TRMT9B: variants seen among roughly 807,000 people sequenced by gnomAD.
The protein encoded by TRMT9B is probable tRNA methyltransferase 9B.
In TRMT9B, 16 loss-of-function variants were observed where a neutral mutation model predicts 11.5. The ratio of observed to expected loss-of-function variants is 1.39; its 90% confidence interval spans 0.94 to 2.11. The LOEUF is 2.11. TRMT9B is among the 30% of genes most tolerant of loss of function. The pLI, the probability that TRMT9B is intolerant of heterozygous loss-of-function variation, is 0.00. For missense variants in TRMT9B, 941 were observed against 553.8 expected, an observed-to-expected ratio of 1.70 and a Z score of -7.02; for synonymous variants, 274 against 192.4, an observed-to-expected ratio of 1.42 and a Z score of -3.51.
Position 13,012,691 on chromosome 8 carries a change from G to A in TRMT9B, c.162G>A (p.Gly54=). 7 of 1,612,808 alleles carry A rather than the reference G, an allele frequency of 4.3e-6. No homozygotes were observed. Among genetic ancestry groups the A allele is most frequent in the South Asian group, 1.1e-5 (1 of 90,920 alleles). The change falls in exon 4 of 5, where the codon GGG becomes GGA. Residue 54 remains glycine (G), a synonymous_variant. Transcript: ENST00000524591. ...PGSLIADIGC[G]TGKYLKVNSQ... ...CAGGTTTTTCTCTTATAGGTTGTGG[G>A]ACTGGAAAATATCTTAAAGTGAACA...
At chr8:13,003,945 C>T (rs1809936185) in intron 2 of TRMT9B, among the ~76,000 whole-genome samples, 2 of 151,548 alleles carry the variant, frequency 1.3e-5, no homozygotes, top group African/African-American at 4.8e-5. Context: ...ATCCCTCCTC[C>T]AACTCCCTGG....
intron 2 of TRMT9B, among the ~76,000 whole-genome samples, chr8:13,003,530 G>A (rs1274307083): frequency 1.3e-5 from 2 of 152,090 alleles, no homozygotes; most frequent in African/African-American, 4.8e-5. Flanking sequence ...GAGAGGGAAT[G>A]TGCCACCGCT....
chr8:12,951,794 G>A (rs1444964719), intron 1 of TRMT9B: 1 of 151,874 alleles, frequency 6.6e-6, no homozygotes, highest in Non-Finnish European at 1.5e-5. Context: ...ATCCCCGGTA[G>A]CTGCGCTTCC....
intron 1 of TRMT9B, among the ~76,000 whole-genome samples, chr8:12,988,027 A>G (rs941641706): frequency 1.3e-5 from 2 of 152,310 alleles, no homozygotes; most frequent in African/African-American, 4.8e-5. Context: ...TAAGTCTGGG[A>G]CCATCTGTAT....
rs563854492 is a variant in TRMT9B, at chr8:12,945,970, T to C, written c.-200+4T>C. On this transcript the variant is annotated splice_donor_region_variant and intron_variant, in intron 1 of 4. Transcript: ENST00000524591. ...AACTCTGCAGTCTTCCTTCAAGGTA[T>C]GTGTTGCAATTTGGGGTTGCACATT... The C allele has an allele frequency of 7.2e-4, 109 of 152,316 alleles. 1 individual carries two copies. Among genetic ancestry groups the C allele is most frequent in the African/African-American group, 2.5e-3 (102 of 41,580 alleles). The allele number at this position is 152,316 out of a possible 1,614,324, so 9.4% of individuals were successfully genotyped here. A position where few individuals can be genotyped will look rare whatever the true frequency, so the allele number is the denominator to read the frequency against.
rs573899976 is a variant in TRMT9B, at chr8:12,976,202, C to T, written c.-199-14632C>T. ...CACCCTCGGCACCTGCCCTAGTTCT[C>T]CTTTGGGAGGTCTATGTATAACAAA... On this transcript the variant is annotated intron_variant, in intron 1 of 4. Coordinates refer to ENST00000524591, the MANE Select transcript of TRMT9B (RefSeq NM_020844.3). 1.4e-4 allele frequency among the ~76,000 whole-genome samples: 21 copies of T among 152,238 alleles called. No homozygotes were observed. The South Asian group carries it at 4.4e-3, about 32-fold the overall frequency.
At chr8:12,978,897 G>C (rs1040510354) in intron 1 of TRMT9B, among the ~76,000 whole-genome samples, 3 of 152,184 alleles carry the variant, frequency 2.0e-5, no homozygotes, top group African/African-American at 7.2e-5. Flanking sequence ...CTCTTTGGCA[G>C]TCACCTGCAG....
At chr8:12,953,504 C>A (rs1277468060) in intron 1 of TRMT9B, among the ~76,000 whole-genome samples, 5 of 152,140 alleles carry the variant, frequency 3.3e-5, no homozygotes, top group Non-Finnish European at 5.9e-5. Context: ...TGCAAACCAC[C>A]ATGCCCAGCT....
intron 3 of TRMT9B, chr8:13,012,068 A>T: frequency 2.4e-5 from 24 of 985,448 alleles, no homozygotes; most frequent in Non-Finnish European, 2.9e-5. Flanking sequence ...TACTAGAACT[A>T]TCTTTCTTGC....
At chr8:12,989,690 G>A (rs1806986199) in intron 1 of TRMT9B, among the ~76,000 whole-genome samples, 1 of 152,212 alleles carries the variant, frequency 6.6e-6, no homozygotes, top group African/African-American at 2.4e-5. Flanking sequence ...GCCTGGCAGG[G>A]TAAGTCCGAA....
At position 13,021,095 on chromosome 8, in the gene TRMT9B, T is replaced by C. The variant is rs766049125; in HGVS notation, c.416T>C (p.Ile139Thr). The change falls in exon 5 of 5, where the codon ATT (isoleucine) becomes ACT (threonine). Residue 139 changes from isoleucine to threonine, a missense_variant. Coordinates refer to ENST00000524591, the MANE Select transcript of TRMT9B (RefSeq NM_020844.3). The stretch of plus-strand genomic sequence containing the variant: ...TTAGTTCCCGGAGGCCAACTGATGA[T>C]TTACGTTTGGGCAATGGAACAAAAG... ...RVLVPGGQLM[I>T]YVWAMEQKNR... 3 of 1,610,368 alleles carry C rather than the reference T, an allele frequency of 1.9e-6. No homozygotes were observed. The highest frequency in any genetic ancestry group is 4.5e-5 in the East Asian group (2 of 44,854).
chr8:12,983,497 C>T (rs1224520564), intron 1 of TRMT9B, among the ~76,000 whole-genome samples: 1 of 152,022 alleles, frequency 6.6e-6, no homozygotes, highest in Admixed American at 6.6e-5. Context: ...CGGTGAAATC[C>T]CATCTCTACT....
intron 1 of TRMT9B, among the ~76,000 whole-genome samples, chr8:12,972,398 G>C (rs1171286234): frequency 6.6e-6 from 1 of 152,172 alleles, no homozygotes; most frequent in Non-Finnish European, 1.5e-5. Context: ...TGTGGGCGAG[G>C]TGTCTTTTAG....
At position 13,024,037 on chromosome 8, in the gene TRMT9B, A is replaced by ATC. The variant is rs1450900135; in HGVS notation, c.*1994_*1995insCT. The ATC allele has an allele frequency of 4.0e-5, 3 of 75,004 alleles. No homozygotes were observed. The highest frequency in any genetic ancestry group is 8.7e-5 in the Non-Finnish European group (3 of 34,642). 4.6% of individuals were successfully genotyped at this position (75,004 alleles called of 1,614,324 possible). On this transcript the variant is annotated 3_prime_UTR_variant, in exon 5 of 5. Coordinates refer to ENST00000524591, the MANE Select transcript of TRMT9B (RefSeq NM_020844.3). ...ATTAAAAATTAATTTGGTTTCTTCTATTTCTTTTTTTTTTTTTTTTTTTTG... is the reference window on the plus strand; with the variant it reads ...ATTAAAAATTAATTTGGTTTCTTCTATCTTTCTTTTTTTTTTTTTTTTTTTTG...
At position 13,028,393 on chromosome 8, in the gene TRMT9B, C is replaced by G. The variant is rs1214696557; in HGVS notation, c.*6349C>G. The G allele has an allele frequency of 6.0e-6, 1 of 166,914 alleles. No homozygotes were observed. Among genetic ancestry groups the G allele is most frequent in the Non-Finnish European group, 1.5e-5 (1 of 68,096 alleles). 10.3% of individuals were successfully genotyped at this position (166,914 alleles called of 1,614,324 possible). A position where few individuals can be genotyped will look rare whatever the true frequency, so the allele number is the denominator to read the frequency against. Reference sequence around the variant, plus strand: ...CATTAATACATCCACAGGAAAAATACATTTTCTCCACATGGAATATTGATT... The same window carrying G: ...CATTAATACATCCACAGGAAAAATAGATTTTCTCCACATGGAATATTGATT... On this transcript the variant is annotated 3_prime_UTR_variant, in exon 5 of 5. Coordinates refer to ENST00000524591, the MANE Select transcript of TRMT9B (RefSeq NM_020844.3).
rs1323727644 is a variant in TRMT9B at position 13,023,820 on chromosome 8, T to A, written c.*1776T>A. On this transcript the variant is annotated 3_prime_UTR_variant, in exon 5 of 5. Transcript: ENST00000524591. ...ATAATGATGTTACTTTTGAACAAAC[T>A]TAAAGAAATATTTTTAAAGCGTATC... is the stretch of plus-strand genomic sequence containing the variant. 6.0e-6 allele frequency: 1 copy of A among 166,650 alleles called. No homozygotes were observed. Among genetic ancestry groups the A allele is most frequent in the Non-Finnish European group, 1.5e-5 (1 of 68,098 alleles). The allele number at this position is 166,650 out of a possible 1,614,324, so 10.3% of individuals were successfully genotyped here.
At chr8:12,984,620 C>G (rs1375423409) in intron 1 of TRMT9B, among the ~76,000 whole-genome samples, 2 of 152,154 alleles carry the variant, frequency 1.3e-5, no homozygotes, top group Non-Finnish European at 2.9e-5. Context: ...GCAGAGCAGT[C>G]TTCTTCCACG....
intron 2 of TRMT9B, among the ~76,000 whole-genome samples, chr8:12,993,230 G>T (rs1807692695): frequency 6.6e-6 from 1 of 152,154 alleles, no homozygotes; most frequent in African/African-American, 2.4e-5. Flanking sequence ...GGCAGCAGAG[G>T]TCCCCTGAAG....
chr8:13,012,817 C>T lies in TRMT9B; in HGVS notation c.288C>T (p.Pro96=). The change falls in exon 4 of 5, where the codon CCC becomes CCT. Residue 96 remains proline, a synonymous_variant. Coordinates refer to ENST00000524591, the MANE Select transcript of TRMT9B (RefSeq NM_020844.3). The part of the protein sequence containing the change: ...EAMVCDNLNL[P]FRDEGFDAII... ...TGGTATGTGACAACCTTAATCTCCCCTTTAGGGATGAGGGCTTCGATGCCA... is the reference window on the plus strand; with the variant it reads ...TGGTATGTGACAACCTTAATCTCCCTTTTAGGGATGAGGGCTTCGATGCCA... The T allele has an allele frequency of 6.2e-7, 1 of 1,613,952 alleles. No homozygotes were observed. Among genetic ancestry groups the T allele is most frequent in the Non-Finnish European group, 8.5e-7 (1 of 1,179,860 alleles).
Sources: gnomAD v4.1 joint callset for allele counts (sites outside exome capture counted in the v4.1 genomes callset) on GRCh38, gnomAD v4.1.1 for gene constraint, MANE v1.5 for transcripts, NCBI Gene and HGNC (gene_info 2026-07-23, HGNC 2026-07-21) for gene names.